NAALADL2: variants seen among roughly 807,000 people sequenced by gnomAD.
NAALADL2 encodes inactive N-acetylated-alpha-linked acidic dipeptidase-like protein 2.
Under a neutral mutation model 87.2 loss-of-function variants are expected in NAALADL2, and 76 were observed. The observed-to-expected ratio is 0.87, with a 90% CI of 0.72 to 1.05. The LOEUF is 1.05. Ranked by LOEUF, NAALADL2 falls within the 50% of genes least tolerant of loss-of-function variation. The pLI, the probability that NAALADL2 is intolerant of heterozygous loss-of-function variation, is 0.00. For missense variants in NAALADL2, 1,089 were observed against 945.8 expected, an observed-to-expected ratio of 1.15 and a Z score of -1.99; for synonymous variants, 354 against 331.0, an observed-to-expected ratio of 1.07 and a Z score of -0.75.
chr3:175,557,793 G>C (rs779994849), intron 9 of NAALADL2, among the ~76,000 whole-genome samples: 1 of 152,108 alleles, frequency 6.6e-6, no homozygotes, highest in Non-Finnish European at 1.5e-5. Flanking sequence ...TTTTACCTAA[G>C]GTGATATGAT....
chr3:174,919,519 T>C (rs1174096753), intron 1 of NAALADL2, among the ~76,000 whole-genome samples: 1 of 152,138 alleles, frequency 6.6e-6, no homozygotes, highest in African/African-American at 2.4e-5. Context: ...ATTTGAGCAA[T>C]TCAGTCATCT....
At chr3:174,851,000 C>G (rs1413211170) in intron 3 of NAALADL2, among the ~76,000 whole-genome samples, 3 of 152,074 alleles carry the variant, frequency 2.0e-5, no homozygotes, top group African/African-American at 7.2e-5. Flanking sequence ...AAACATTATT[C>G]TCCTGAATGA....
At chr3:175,464,103 T>C (rs571751171) in intron 7 of NAALADL2, among the ~76,000 whole-genome samples, 1 of 152,256 alleles carries the variant, frequency 6.6e-6, no homozygotes, top group Non-Finnish European at 1.5e-5. Context: ...CCCAAAGTGC[T>C]GGGATTAAAG....
chr3:175,485,028 G>T (rs748086489), intron 9 of NAALADL2, among the ~76,000 whole-genome samples: 6 of 152,098 alleles, frequency 3.9e-5, no homozygotes, highest in Non-Finnish European at 8.8e-5. Context: ...CACAAGATTT[G>T]TATATGAATG....
At chr3:175,603,895 G>A (rs1723298403) in intron 10 of NAALADL2, among the ~76,000 whole-genome samples, 1 of 152,152 alleles carries the variant, frequency 6.6e-6, no homozygotes, top group African/African-American at 2.4e-5. Context: ...TCAGGAGGCT[G>A]AGGTAGGAAG....
chr3:175,409,415 T>G (rs976858251), intron 5 of NAALADL2, among the ~76,000 whole-genome samples: 3 of 152,094 alleles, frequency 2.0e-5, no homozygotes, highest in South Asian at 2.1e-4. Flanking sequence ...TCATTTTGAG[T>G]GATATTTATC....
rs771212136 is a variant in NAALADL2, at chr3:174,807,487, T to C, written c.-9+69741T>C. ...TTTAATTTCTGTTAAATTATTCTTT[T>C]TCTGTTTTGCTTTTTCCTTGTACAC... On this transcript the variant is annotated intron_variant, in intron 3 of 3. Transcript: ENST00000434257. 2.6e-3 allele frequency among the ~76,000 whole-genome samples: 403 copies of C among 152,242 alleles called. 2 individuals are homozygous for C. The highest frequency in any genetic ancestry group is 4.0e-3 in the Non-Finnish European group (270 of 67,986).
intron 1 of NAALADL2, among the ~76,000 whole-genome samples, chr3:175,064,355 C>G (rs1438584204): frequency 1.3e-5 from 2 of 151,254 alleles, no homozygotes; most frequent in Non-Finnish European, 2.9e-5. Context: ...AGTTCCAAGT[C>G]CAGGATATGT....
At chr3:174,929,608 ATC>A (rs1172938317) in intron 1 of NAALADL2, among the ~76,000 whole-genome samples, 1 of 152,132 alleles carries the variant, frequency 6.6e-6, no homozygotes, top group Non-Finnish European at 1.5e-5. Context: ...TATTTTTGCT[ATC>A]TGTTTGATTG....
At chr3:175,409,570 C>G (rs1161427784) in intron 5 of NAALADL2, among the ~76,000 whole-genome samples, 1 of 151,714 alleles carries the variant, frequency 6.6e-6, no homozygotes, top group African/African-American at 2.4e-5. Flanking sequence ...TACAAGAAAT[C>G]TAGGTGTAAT....
intron 13 of NAALADL2, among the ~76,000 whole-genome samples, chr3:175,793,874 G>A (rs183934850): frequency 2.4e-3 from 371 of 152,112 alleles, no homozygotes; most frequent in Non-Finnish European, 4.1e-3. Context: ...TAGAATAAGC[G>A]GAAAAACATC....
chr3:175,727,875 TG>T (rs1743144182), intron 11 of NAALADL2, among the ~76,000 whole-genome samples: 1 of 152,146 alleles, frequency 6.6e-6, no homozygotes, highest in Non-Finnish European at 1.5e-5. Flanking sequence ...ATTCAGGTGT[TG>T]GGATGTTTCT....
At chr3:174,459,619 G>T (rs1195869360) in intron 1 of NAALADL2, 1 of 152,244 alleles carries the variant, frequency 6.6e-6, no homozygotes, top group East Asian at 1.9e-4. Flanking sequence ...TCAAAATGGG[G>T]ATAGAAATGC....
chr3:175,156,559 A>C (rs1215080177), intron 2 of NAALADL2, among the ~76,000 whole-genome samples: 1 of 147,496 alleles, frequency 6.8e-6, no homozygotes, highest in Non-Finnish European at 1.5e-5. Flanking sequence ...TAGTAAACTA[A>C]TGTATCCTAT....
chr3:174,443,236 T>A (rs923286054), intron 1 of NAALADL2, among the ~76,000 whole-genome samples: 5 of 152,146 alleles, frequency 3.3e-5, no homozygotes, highest in African/African-American at 1.2e-4. Context: ...GGGATAACAG[T>A]TAGGCTATCA....
chr3:174,717,400 G>T (rs1051776919), intron 2 of NAALADL2, among the ~76,000 whole-genome samples: 5 of 151,938 alleles, frequency 3.3e-5, no homozygotes, highest in African/African-American at 1.2e-4. Flanking sequence ...AAAATAGGAG[G>T]GAAAAATGTC....
chr3:174,545,979 G>C (rs545483661), intron 1 of NAALADL2, among the ~76,000 whole-genome samples: 1 of 149,802 alleles, frequency 6.7e-6, no homozygotes, highest in South Asian at 2.1e-4. Context: ...GTTTCTTCCT[G>C]TTTTCCTTTT....
chr3:174,588,567 C>T (rs1208063022), intron 2 of NAALADL2, among the ~76,000 whole-genome samples: 1 of 152,060 alleles, frequency 6.6e-6, no homozygotes, highest in Non-Finnish European at 1.5e-5. Flanking sequence ...TGTGGATGTC[C>T]TTTCTGTTTG....
chr3:174,936,930 C>G (rs1341298027), intron 1 of NAALADL2, among the ~76,000 whole-genome samples: 3 of 152,082 alleles, frequency 2.0e-5, no homozygotes, highest in Non-Finnish European at 2.9e-5. Flanking sequence ...TTCGTGGGAG[C>G]ACACATAAGC....
Sources: gnomAD v4.1 joint callset for allele counts (sites outside exome capture counted in the v4.1 genomes callset) on GRCh38, gnomAD v4.1.1 for gene constraint, MANE v1.5 for transcripts, NCBI Gene and HGNC (gene_info 2026-07-23, HGNC 2026-07-21) for gene names.